SLC9C2: variants seen among roughly 807,000 people sequenced by gnomAD.
SLC9C2 encodes solute carrier family 9 member C2 (putative), also known as sodium/hydrogen exchanger 11.
Under a neutral mutation model 140.2 loss-of-function variants are expected in SLC9C2, and 75 were observed. That is an observed-to-expected ratio of 0.53 (90% CI 0.44 to 0.65). SLC9C2 has a LOEUF of 0.65. Among genes scored for constraint, SLC9C2 ranks in the 30% least tolerant of loss-of-function variants. The probability of loss-of-function intolerance (pLI) is 0.00; values close to 1 mark genes in which losing one functional copy is unlikely to be tolerated. For missense variants in SLC9C2, 1,074 were observed against 1,331.8 expected (o/e 0.81, Z 3.01); for synonymous variants, 375 against 420.9 (o/e 0.89, Z 1.34).
chr1:173,583,552 A>C lies in SLC9C2; in HGVS notation c.594T>G (p.Phe198Leu), dbSNP rs1006528961. ...TTCTGTTGCCCCGAAAATTTCCAAA[A>C]AAAATTGATGCGATGCTACAAATGA... ...SLIICSIASI[F>L]FGNFRGNRIH... Residue 198 changes from phenylalanine (F) to leucine (L), a missense_variant, in exon 6 of 28, where the codon TTT becomes TTG. Physicochemically the swap from Phe to Leu is conservative, Grantham distance 22. Transcript: ENST00000367714. The C allele has an allele frequency of 1.2e-6, 2 of 1,611,750 alleles. No individual in the cohort carries two copies. Among genetic ancestry groups the C allele is most frequent in the Non-Finnish European group, 1.7e-6 (2 of 1,178,992 alleles).
chr1:173,520,437 G>A (rs1205659501), intron 22 of SLC9C2, among the ~76,000 whole-genome samples: 2 of 152,058 alleles, frequency 1.3e-5, no homozygotes, highest in African/African-American at 4.8e-5. Flanking sequence ...GTAACATACT[G>A]TAAACTTACT....
intron 26 of SLC9C2, 88 bp from the exon 27 acceptor site, chr1:173,503,414 C>A: frequency 8.3e-7 from 1 of 1,198,330 alleles, no homozygotes; most frequent in South Asian, 1.3e-5. Flanking sequence ...TATCTATTTG[C>A]TTTCTCCCTA....
intron 26 of SLC9C2, among the ~76,000 whole-genome samples, chr1:173,504,442 A>C (rs1487405638): frequency 6.6e-6 from 1 of 152,114 alleles, no homozygotes; most frequent in African/African-American, 2.4e-5. Flanking sequence ...AGAAAACGTC[A>C]CTCTTCGCAC....
Position 173,506,888 on chromosome 1 carries a change from C to A in SLC9C2, c.3193G>T (p.Ala1065Ser), listed in dbSNP as rs746616630. 8 of 1,613,500 alleles carry A rather than the reference C, an allele frequency of 5.0e-6. No individual in the cohort carries two copies. The Admixed American group carries it at 5.0e-5, about 10-fold the overall frequency. Reference protein sequence around the residue: ...IDTKTEEPYFAPCIIPTTCEQ... With the variant: ...IDTKTEEPYFSPCIIPTTCEQ... Reference sequence around the variant, plus strand: ...CAGGTTGTAGGTATAATGCAAGGTGCAAAATATGGTTCCTCTGTCTTAGTA... The same window carrying A: ...CAGGTTGTAGGTATAATGCAAGGTGAAAAATATGGTTCCTCTGTCTTAGTA... The change falls in exon 25 of 28, where the codon GCA becomes TCA. Residue 1065 changes from alanine to serine, a missense_variant. Transcript: ENST00000367714.
chr1:173,501,938 G>C (rs145093977), intron 27 of SLC9C2, among the ~76,000 whole-genome samples: 1 of 152,178 alleles, frequency 6.6e-6, no homozygotes, highest in East Asian at 1.9e-4. Context: ...AGAGTCTTAG[G>C]GTGGCTGTCT....
chr1:173,507,097 A>C (rs1241784040), intron 24 of SLC9C2, 56 bp from the exon 25 acceptor site: 2 of 1,305,350 alleles, frequency 1.5e-6, no homozygotes, highest in African/African-American at 1.5e-5. Flanking sequence ...GATGGTATCA[A>C]GAAGAAAACA....
At chr1:173,522,817 A>G (rs1470649222) in intron 21 of SLC9C2, among the ~76,000 whole-genome samples, 2 of 152,266 alleles carry the variant, frequency 1.3e-5, no homozygotes, top group African/African-American at 4.8e-5. Flanking sequence ...CTCCAGGCAC[A>G]CTTGGCCTCG....
chr1:173,522,393 C>A (rs1031185132), intron 21 of SLC9C2, among the ~76,000 whole-genome samples: 1 of 152,210 alleles, frequency 6.6e-6, no homozygotes, highest in East Asian at 1.9e-4. Context: ...AATCCAGAAG[C>A]AAACTGAACG....
At chr1:173,560,215 C>T (rs1479060130) in intron 9 of SLC9C2, among the ~76,000 whole-genome samples, 62 of 152,212 alleles carry the variant, frequency 4.1e-4, no homozygotes, top group Admixed American at 3.3e-3. Context: ...AAGTGTAATA[C>T]GAAAAATAAA....
At chr1:173,574,379 TTCTA>T (rs1451112508) in intron 8 of SLC9C2, among the ~76,000 whole-genome samples, 1 of 152,188 alleles carries the variant, frequency 6.6e-6, no homozygotes, top group Non-Finnish European at 1.5e-5. Flanking sequence ...TCCAAGTGAT[TTCTA>T]TCTCTTAATT....
intron 3 of SLC9C2, among the ~76,000 whole-genome samples, chr1:173,599,295 G>A (rs1462303530): frequency 6.7e-6 from 1 of 149,298 alleles, no homozygotes; most frequent in African/African-American, 2.5e-5. Flanking sequence ...TATGTGCAGG[G>A]GAAGGAAGCC....
chr1:173,506,710 G>T, intron 25 of SLC9C2, 146 bp downstream of exon 25: 1 of 665,358 alleles, frequency 1.5e-6, no homozygotes, highest in Non-Finnish European at 2.5e-6. Flanking sequence ...GAAGCCCTAG[G>T]TACATTTTTA....
At chr1:173,556,860 G>A (rs577548993) in intron 10 of SLC9C2, among the ~76,000 whole-genome samples, 1 of 151,896 alleles carries the variant, frequency 6.6e-6, no homozygotes, top group South Asian at 2.1e-4. Context: ...CCTGGGAGGC[G>A]GAGGTTGCAG....
chr1:173,527,626 C>T (rs976352389), intron 18 of SLC9C2, among the ~76,000 whole-genome samples: 1 of 152,202 alleles, frequency 6.6e-6, no homozygotes, highest in African/African-American at 2.4e-5. Flanking sequence ...AGCTTACCCT[C>T]CAGCTTTGAG....
rs780466424 is a variant in SLC9C2 at position 173,535,836 on chromosome 1, GGA to G, written c.1767_1768del (p.Pro590ThrfsTer2). 10 of 1,504,848 alleles carry G rather than the reference GGA, an allele frequency of 6.6e-6. No homozygotes were observed. The highest frequency in any genetic ancestry group is 9.0e-6 in the Non-Finnish European group (10 of 1,116,830). 93.2% of individuals were successfully genotyped at this position (1,504,848 alleles called of 1,614,324 possible). A position where few individuals can be genotyped will look rare whatever the true frequency, so the allele number is the denominator to read the frequency against. On this transcript the variant is annotated frameshift_variant, in exon 15 of 28. Coordinates refer to ENST00000367714, the MANE Select transcript of SLC9C2 (RefSeq NM_178527.4). LOFTEE classifies it high-confidence loss of function. ...AAAGGTTCACAATACTTACTCAGGTGGAATAAAATGTATCTTTTCTATACAAT... is the reference window on the plus strand; with the variant it reads ...AAAGGTTCACAATACTTACTCAGGTGATAAAATGTATCTTTTCTATACAAT...
chr1:173,503,919 A>T (rs534698026), intron 26 of SLC9C2, among the ~76,000 whole-genome samples: 1 of 152,236 alleles, frequency 6.6e-6, no homozygotes, highest in South Asian at 2.1e-4. Flanking sequence ...TTACAGAGAA[A>T]CTCATCAAGA....
intron 9 of SLC9C2, among the ~76,000 whole-genome samples, chr1:173,564,550 G>A (rs1664324963): frequency 6.6e-6 from 1 of 151,210 alleles, no homozygotes; most frequent in South Asian, 2.1e-4. Context: ...TAATCAGATT[G>A]TTAGATGTTT....
chr1:173,549,880 T>C (rs891377686), intron 11 of SLC9C2, among the ~76,000 whole-genome samples: 4 of 152,202 alleles, frequency 2.6e-5, no homozygotes, highest in Non-Finnish European at 5.9e-5. Flanking sequence ...AATCCCTCAC[T>C]GATCTCACTT....
chr1:173,510,991 G>A lies in SLC9C2; in HGVS notation c.2908-1292C>T, dbSNP rs950444857. ...TTCTTAGTTCTCCACAGCCTCACAA[G>A]CATCTATTGTTTCCTGGATTTTTTT... On this transcript the variant is annotated intron_variant, in intron 23 of 27. Coordinates refer to ENST00000367714, the MANE Select transcript of SLC9C2 (RefSeq NM_178527.4). 2.1e-5 allele frequency among the ~76,000 whole-genome samples: 3 copies of A among 145,634 alleles called. No individual in the cohort carries two copies. In the East Asian group the frequency reaches 6.1e-4, roughly 30 times the overall value.
Sources: gnomAD v4.1 joint callset for allele counts (sites outside exome capture counted in the v4.1 genomes callset) on GRCh38, gnomAD v4.1.1 for gene constraint, MANE v1.5 for transcripts, NCBI Gene and HGNC (gene_info 2026-07-23, HGNC 2026-07-21) for gene names.